Variants in NAV3 observed in about 807,000 individuals in gnomAD.
NAV3 encodes the protein pore membrane and/or filament interacting like protein 1.
A neutral mutation model predicts 244.7 loss-of-function variants in NAV3; 87 were observed. The ratio of observed to expected loss-of-function variants is 0.36; its 90% CI spans 0.30 to 0.42. The LOEUF is 0.42. NAV3 is among the 20% of genes least tolerant of loss of function. The pLI is 1.00. For missense variants in NAV3, 2,663 were observed against 2,893.3 expected, an observed-to-expected ratio of 0.92 and a Z score of 1.83; for synonymous variants, 1,126 against 1,042.2, an observed-to-expected ratio of 1.08 and a Z score of -1.55.
Position 77,998,802 on chromosome 12 carries a change from G to C in NAV3, c.880+326G>C, listed in dbSNP as rs138151669. ...TGAAAATGTATCCTGAAATCATAAA[G>C]CCATATTGAATTTATCTGAATCCTT... On this transcript the variant is annotated intron_variant, in intron 7 of 39. Coordinates refer to ENST00000397909, the MANE Select transcript of NAV3 (RefSeq NM_001024383.2). 1.3e-3 allele frequency among the ~76,000 whole-genome samples: 199 copies of C among 152,116 alleles called. 2 individuals carry two copies. The highest frequency in any genetic ancestry group is 4.4e-3 in the African/African-American group (184 of 41,490).
In NAV3 at chr12:77,716,937, A is replaced by C. The variant is rs577251571; in HGVS notation, c.72+144671A>C. On this transcript the variant is annotated intron_variant, in intron 2 of 8. Coordinates refer to the NAV3 transcript ENST00000550042. ...AGAAATCCGATAGGACAAAGCTTTCAGGAAATTTCCTGTAATGTTTTTTAT... is the reference window on the plus strand; with the variant it reads ...AGAAATCCGATAGGACAAAGCTTTCCGGAAATTTCCTGTAATGTTTTTTAT... Among the ~76,000 whole-genome samples the C allele has an allele frequency of 5.5e-4, 84 of 152,158 alleles. 1 individual carries two copies. The South Asian group carries it at 6.2e-3, about 11-fold the overall frequency.
intron 1 of NAV3, among the ~76,000 whole-genome samples, chr12:77,913,075 A>G (rs899939234): frequency 1.3e-5 from 2 of 152,006 alleles, no homozygotes; most frequent in African/African-American, 2.4e-5. Flanking sequence ...AACTTGTGAC[A>G]TGAAAAAAAT....
intron 2 of NAV3, among the ~76,000 whole-genome samples, chr12:77,582,743 C>G (rs1277370114): frequency 6.6e-6 from 1 of 152,144 alleles, no homozygotes; most frequent in Non-Finnish European, 1.5e-5. Flanking sequence ...AGCCACCTTG[C>G]TCTCCTGTAG....
At chr12:77,629,894 C>T (rs1871809259) in intron 2 of NAV3, among the ~76,000 whole-genome samples, 1 of 152,080 alleles carries the variant, frequency 6.6e-6, no homozygotes, top group African/African-American at 2.4e-5. Context: ...AAGATGAGTC[C>T]TTGATAGGGT....
intron 2 of NAV3, among the ~76,000 whole-genome samples, chr12:77,809,863 A>T (rs2135996592): frequency 6.6e-6 from 1 of 152,242 alleles, no homozygotes; most frequent in South Asian, 2.1e-4. Context: ...GTTTGACCTT[A>T]GTGTTTGTCA....
intron 18 of NAV3, chr12:78,130,763 T>G (rs1197721679): frequency 6.5e-6 from 1 of 153,546 alleles, no homozygotes; most frequent in Non-Finnish European, 1.5e-5. Context: ...AGAGAAAACA[T>G]CCTGGCACAG....
chr12:78,093,573 G>A (rs1377629926), intron 12 of NAV3, among the ~76,000 whole-genome samples: 1 of 151,956 alleles, frequency 6.6e-6, no homozygotes, highest in Non-Finnish European at 1.5e-5. Flanking sequence ...GTACAGCAGT[G>A]GAAAAGCTAT....
At chr12:78,207,488 C>A (rs1459374816) in intron 39 of NAV3, among the ~76,000 whole-genome samples, 1 of 152,068 alleles carries the variant, frequency 6.6e-6, no homozygotes, top group African/African-American at 2.4e-5. Flanking sequence ...ACTGCAGTAA[C>A]ATAATAGAGG....
chr12:77,972,602 TA>T (rs1893090409), intron 5 of NAV3, among the ~76,000 whole-genome samples: 1 of 152,038 alleles, frequency 6.6e-6, no homozygotes. Flanking sequence ...AAAAGGTAGA[TA>T]AAAATTCTCC....
chr12:77,654,690 A>G (rs1287861413), intron 2 of NAV3, among the ~76,000 whole-genome samples: 4 of 152,132 alleles, frequency 2.6e-5, no homozygotes, highest in Non-Finnish European at 5.9e-5. Flanking sequence ...TGAGCAGCCT[A>G]ACTGGGAGGA....
chr12:77,794,726 CTCAT>C (rs991175000), intron 2 of NAV3, among the ~76,000 whole-genome samples: 21 of 152,120 alleles, frequency 1.4e-4, no homozygotes, highest in African/African-American at 4.8e-4. Flanking sequence ...GTTGGTGATA[CTCAT>C]GATATTTCCA....
intron 1 of NAV3, among the ~76,000 whole-genome samples, chr12:77,926,414 C>T (rs1368265093): frequency 6.6e-6 from 1 of 152,086 alleles, no homozygotes; most frequent in Admixed American, 6.6e-5. Context: ...TTTTACAAAG[C>T]ATTTCTTCCT....
rs1424079172 is a variant in NAV3, at chr12:77,831,078, G to A, written c.-384G>A. 6.4e-6 allele frequency: 1 copy of A among 155,738 alleles called. No individual in the cohort carries two copies. The highest frequency in any genetic ancestry group is 1.4e-5 in the Non-Finnish European group (1 of 70,728). 9.6% of individuals were successfully genotyped at this position (155,738 alleles called of 1,614,324 possible). ...CTCTTTAATCCTAAGAAGGAGCTTT[G>A]TAGCAGTTACCTTGAAGAAGAGTTT... On this transcript the variant is annotated 5_prime_UTR_variant, in exon 1 of 40. Coordinates refer to ENST00000397909, the MANE Select transcript of NAV3 (RefSeq NM_001024383.2).
At chr12:77,580,828 A>G (rs759098204) in intron 2 of NAV3, among the ~76,000 whole-genome samples, 1 of 152,146 alleles carries the variant, frequency 6.6e-6, no homozygotes, top group Non-Finnish European at 1.5e-5. Context: ...TTAATTATAG[A>G]CTCTAGTGGC....
chr12:77,939,968 C>T (rs1324317198), intron 1 of NAV3, among the ~76,000 whole-genome samples: 1 of 152,126 alleles, frequency 6.6e-6, no homozygotes, highest in Non-Finnish European at 1.5e-5. Flanking sequence ...GTTTCTTTTA[C>T]ATGAACAAGC....
chr12:77,925,117 A>G (rs367622811), intron 1 of NAV3, among the ~76,000 whole-genome samples: 13 of 151,698 alleles, frequency 8.6e-5, no homozygotes, highest in African/African-American at 2.9e-4. Context: ...AAAGGTTGGG[A>G]AAAAAAACAA....
At chr12:77,581,916 A>T (rs971507151) in intron 2 of NAV3, among the ~76,000 whole-genome samples, 2 of 152,178 alleles carry the variant, frequency 1.3e-5, no homozygotes, top group Non-Finnish European at 2.9e-5. Flanking sequence ...TATACTCATC[A>T]CTTGTCCTTT....
At chr12:77,615,928 C>T (rs1871128642) in intron 2 of NAV3, among the ~76,000 whole-genome samples, 3 of 152,116 alleles carry the variant, frequency 2.0e-5, no homozygotes. Flanking sequence ...ACTTGCGGGG[C>T]AGAGGGGGAC....
At chr12:77,908,170 G>T (rs1258419420) in intron 1 of NAV3, among the ~76,000 whole-genome samples, 1 of 151,978 alleles carries the variant, frequency 6.6e-6, no homozygotes, top group Non-Finnish European at 1.5e-5. Flanking sequence ...TTATTTGTCA[G>T]CATGATGTTC....
Sources: gnomAD v4.1 joint callset for allele counts (sites outside exome capture counted in the v4.1 genomes callset) on GRCh38, gnomAD v4.1.1 for gene constraint, MANE v1.5 for transcripts, NCBI Gene and HGNC (gene_info 2026-07-23, HGNC 2026-07-21) for gene names.